Variants in RANBP17 observed in about 807,000 individuals in gnomAD.
RANBP17 encodes ran-binding protein 17.
A neutral mutation model predicts 141.2 loss-of-function variants in RANBP17; 158 were observed. The ratio of observed to expected loss-of-function variants is 1.12; its 90% CI spans 0.98 to 1.28. RANBP17 has a LOEUF of 1.28. Among genes scored for constraint, RANBP17 ranks in the 50% most tolerant of loss-of-function variants. RANBP17 has a pLI of 0.00. For missense variants in RANBP17, 1,438 were observed against 1,290.7 expected (o/e 1.11, Z -1.75); for synonymous variants, 430 against 450.0 (o/e 0.96, Z 0.56).
intron 14 of RANBP17, among the ~76,000 whole-genome samples, chr5:171,077,001 C>T (rs976067475): frequency 2.0e-5 from 3 of 151,996 alleles, no homozygotes; most frequent in Non-Finnish European, 4.4e-5. Context: ...AAATAATGAT[C>T]ATTGGCAATG....
At chr5:171,214,374 T>G (rs1213867188) in intron 21 of RANBP17, among the ~76,000 whole-genome samples, 2 of 152,222 alleles carry the variant, frequency 1.3e-5, no homozygotes, top group African/African-American at 4.8e-5. Flanking sequence ...CATATAAATA[T>G]TAACAAAGAT....
intron 25 of RANBP17, among the ~76,000 whole-genome samples, chr5:171,277,705 T>G (rs1259701368): frequency 5.7e-5 from 8 of 139,534 alleles, no homozygotes; most frequent in African/African-American, 2.1e-4. Context: ...GTATTTTATC[T>G]CCATTTTGTA....
At chr5:170,998,933 A>T (rs1270577571) in intron 14 of RANBP17, among the ~76,000 whole-genome samples, 1 of 152,026 alleles carries the variant, frequency 6.6e-6, no homozygotes, top group African/African-American at 2.4e-5. Context: ...GTGTTATTTT[A>T]TATTTATATA....
intron 14 of RANBP17, among the ~76,000 whole-genome samples, chr5:171,115,214 C>A (rs1427726578): frequency 6.6e-6 from 1 of 151,922 alleles, no homozygotes; most frequent in Non-Finnish European, 1.5e-5. Flanking sequence ...CTTTTTTGTT[C>A]TTGATGAATG....
chr5:171,081,041 T>C (rs573557243), intron 14 of RANBP17, among the ~76,000 whole-genome samples: 2 of 152,340 alleles, frequency 1.3e-5, no homozygotes, highest in East Asian at 3.9e-4. Context: ...CCCCACTTTA[T>C]AGATGACAAA....
At chr5:171,210,881 TG>T (rs1762838191) in intron 20 of RANBP17, among the ~76,000 whole-genome samples, 1 of 151,732 alleles carries the variant, frequency 6.6e-6, no homozygotes, top group Non-Finnish European at 1.5e-5. Context: ...GGTGCTCACC[TG>T]TAGTCTCAGC....
intron 14 of RANBP17, among the ~76,000 whole-genome samples, chr5:171,137,616 GTGTGTGTGTC>G (rs1757398216): frequency 1.2e-4 from 17 of 144,122 alleles, no homozygotes; most frequent in African/African-American, 3.4e-4. Flanking sequence ...CTGTGTGTGT[GTGTGTGTGTC>G]TGTGTGTGTG....
At chr5:171,084,084 T>C (rs1251590618) in intron 14 of RANBP17, among the ~76,000 whole-genome samples, 4 of 148,628 alleles carry the variant, frequency 2.7e-5, no homozygotes, top group East Asian at 2.1e-4. Flanking sequence ...TAGCATTAGG[T>C]ATATCTCCCA....
intron 18 of RANBP17, among the ~76,000 whole-genome samples, chr5:171,195,046 A>G (rs1389846084): frequency 6.6e-6 from 1 of 152,228 alleles, no homozygotes; most frequent in Non-Finnish European, 1.5e-5. Context: ...GTTTTACCTA[A>G]AAGCTAAGGA....
intron 5 of RANBP17, among the ~76,000 whole-genome samples, chr5:170,899,918 C>G (rs1479299157): frequency 6.6e-6 from 1 of 152,128 alleles, no homozygotes; most frequent in African/African-American, 2.4e-5. Flanking sequence ...TTTGGCTTGC[C>G]AGTATTTTAT....
At chr5:170,945,936 T>TA (rs1247858118) in intron 12 of RANBP17, among the ~76,000 whole-genome samples, 6 of 152,290 alleles carry the variant, frequency 3.9e-5, no homozygotes, top group Non-Finnish European at 8.8e-5. Flanking sequence ...CATAATGTGT[T>TA]AAACGCTTAA....
At chr5:170,966,615 T>C (rs1776584933) in intron 13 of RANBP17, among the ~76,000 whole-genome samples, 1 of 151,682 alleles carries the variant, frequency 6.6e-6, no homozygotes, top group African/African-American at 2.4e-5. Context: ...CTGGAAGCAT[T>C]CCCTTTGAAA....
At chr5:171,206,173 C>G (rs935791477) in intron 20 of RANBP17, 2 of 173,870 alleles carry the variant, frequency 1.2e-5, no homozygotes, top group African/African-American at 4.8e-5. Context: ...ACAGAAATGC[C>G]TTATCATGTA....
chr5:170,971,639 T>G (rs941317521), intron 14 of RANBP17, among the ~76,000 whole-genome samples: 1 of 152,196 alleles, frequency 6.6e-6, no homozygotes, highest in African/African-American at 2.4e-5. Context: ...TCCCATATTT[T>G]AAAGAAGAAT....
At chr5:171,075,700 C>G (rs192922076) in intron 14 of RANBP17, among the ~76,000 whole-genome samples, 44 of 152,264 alleles carry the variant, frequency 2.9e-4, no homozygotes, top group Admixed American at 1.0e-3. Flanking sequence ...AGCCTGTAAT[C>G]CCAGCACTTT....
intron 22 of RANBP17, among the ~76,000 whole-genome samples, chr5:171,228,398 G>A (rs1248953845): frequency 1.3e-5 from 2 of 152,200 alleles, no homozygotes; most frequent in Non-Finnish European, 2.9e-5. Context: ...CTGAAGATGT[G>A]ACTGAACTGC....
intron 14 of RANBP17, among the ~76,000 whole-genome samples, chr5:171,075,882 G>A (rs1167568886): frequency 3.3e-5 from 5 of 152,122 alleles, no homozygotes; most frequent in African/African-American, 1.2e-4. Flanking sequence ...GAACCTAGGA[G>A]GCGGAGGTTG....
chr5:170,892,461 A>G lies in RANBP17; in HGVS notation c.331A>G (p.Ile111Val), dbSNP rs1340657298. The G allele has an allele frequency of 1.9e-6, 3 of 1,614,076 alleles. No homozygotes were observed. Among genetic ancestry groups the G allele is most frequent in the Non-Finnish European group, 1.7e-6 (2 of 1,179,962 alleles). Reference protein sequence around the residue: ...PFVIQALIQVIAKITKLGWFE... With the variant: ...PFVIQALIQVVAKITKLGWFE... Reference sequence around the variant, plus strand: ...TGTCATCCAAGCTCTTATTCAAGTCATTGCTAAAATCACTAAGTTGGGGTG... The same window carrying G: ...TGTCATCCAAGCTCTTATTCAAGTCGTTGCTAAAATCACTAAGTTGGGGTG... Residue 111 changes from isoleucine (I) to valine (V), a missense_variant, in exon 4 of 28, where the codon ATT (isoleucine) becomes GTT (valine). Coordinates refer to ENST00000523189, the MANE Select transcript of RANBP17 (RefSeq NM_022897.5).
chr5:171,274,788 C>T (rs945524172), intron 25 of RANBP17, among the ~76,000 whole-genome samples: 4 of 152,054 alleles, frequency 2.6e-5, no homozygotes, highest in Admixed American at 1.3e-4. Context: ...AAGTATCAAA[C>T]CTAGTGTAGT....
Sources: allele counts gnomAD v4.1 joint callset (sites outside exome capture counted in the v4.1 genomes callset), GRCh38; gene constraint gnomAD v4.1.1; transcripts MANE v1.5; gene names NCBI Gene and HGNC (gene_info 2026-07-23, HGNC 2026-07-21).